The following CAMTA1 variants were observed in gnomAD, a reference collection of about 807,000 sequenced individuals.
CAMTA1 encodes the protein calmodulin binding transcription activator 1, also known as calmodulin-binding transcription activator 1.
Under a neutral mutation model 170.9 loss-of-function variants are expected in CAMTA1, and 27 were observed. The ratio of observed to expected loss-of-function variants is 0.16; its 90% CI spans 0.12 to 0.22. The LOEUF (loss-of-function observed/expected upper bound fraction) is 0.22, where lower values mean the gene tolerates loss of function less well. Ranked by LOEUF, CAMTA1 falls within the 10% of genes least tolerant of loss-of-function variation. The pLI is 1.00. For synonymous variants in CAMTA1, 833 were observed against 891.5 expected, an observed-to-expected ratio of 0.93 and a Z score of 1.17; for missense variants, 1,619 against 2,217.2, an observed-to-expected ratio of 0.73 and a Z score of 5.42.
chr1:7,119,480 C>A (rs556687246), intron 4 of CAMTA1, among the ~76,000 whole-genome samples: 2 of 152,324 alleles, frequency 1.3e-5, no homozygotes, highest in South Asian at 4.1e-4. Context: ...ATTTTTATTT[C>A]TGTCCTGCCA....
At position 7,768,010 on chromosome 1, in the gene CAMTA1, G is replaced by A. The variant is rs2097033298; in HGVS notation, c.*1519G>A. The stretch of plus-strand genomic sequence containing the variant: ...GCCAAGTAATGTGAATGCTAATACT[G>A]CTTAAGAAAATTAAGTTACTTTTGC... On this transcript the variant is annotated 3_prime_UTR_variant, in exon 23 of 23. Coordinates refer to ENST00000303635, the MANE Select transcript of CAMTA1 (RefSeq NM_015215.4). The A allele has an allele frequency of 6.6e-6, 1 of 151,760 alleles. No homozygotes were observed. 9.4% of individuals were successfully genotyped at this position (151,760 alleles called of 1,614,324 possible).
Position 7,635,113 on chromosome 1 carries a change from G to A in CAMTA1, c.511-5287G>A, listed in dbSNP as rs1259065576. ...CTGACCAGGCCTCCAGGAAAGCAAGGGCTCATCTCCAAAGGTCACGATCAC... is the reference window on the plus strand; with the variant it reads ...CTGACCAGGCCTCCAGGAAAGCAAGAGCTCATCTCCAAAGGTCACGATCAC... On this transcript the variant is annotated intron_variant, in intron 6 of 22. Transcript: ENST00000303635. This position sits in a 1 kb window ranked among gnomAD's most constrained non-coding sequence, Gnocchi z 4.4. Among the ~76,000 whole-genome samples, 1 of 152,146 alleles carries A rather than the reference G, an allele frequency of 6.6e-6. No individual in the cohort carries two copies. The highest frequency in any genetic ancestry group is 1.9e-4 in the East Asian group (1 of 5,176).
intron 1 of CAMTA1, among the ~76,000 whole-genome samples, chr1:6,794,879 G>A (rs1279919379): frequency 7.1e-6 from 1 of 141,480 alleles, no homozygotes; most frequent in African/African-American, 2.7e-5. Context: ...TTAGATAAAG[G>A]CTTTTTTTTT....
At chr1:7,553,853 A>G (rs1266372148) in intron 6 of CAMTA1, among the ~76,000 whole-genome samples, 1 of 152,210 alleles carries the variant, frequency 6.6e-6, no homozygotes, top group Admixed American at 6.5e-5. Flanking sequence ...CAGCCACATG[A>G]TGCAGGGGCG....
At chr1:7,004,412 G>A (rs1698680114) in intron 3 of CAMTA1, among the ~76,000 whole-genome samples, 1 of 152,196 alleles carries the variant, frequency 6.6e-6, no homozygotes, top group Admixed American at 6.5e-5. Flanking sequence ...GGAAGGTTGA[G>A]CTGGGGCTTG....
chr1:6,834,109 A>G (rs1208243709), intron 3 of CAMTA1, among the ~76,000 whole-genome samples: 1 of 147,814 alleles, frequency 6.8e-6, no homozygotes, highest in East Asian at 2.0e-4. Flanking sequence ...GGAATGTTGG[A>G]CTTTCCAGGG....
At chr1:7,285,860 C>T (rs1672273349) in intron 5 of CAMTA1, among the ~76,000 whole-genome samples, 1 of 152,166 alleles carries the variant, frequency 6.6e-6, no homozygotes, top group Non-Finnish European at 1.5e-5. Context: ...GAAATCCCCA[C>T]CTCAAAAACT....
At chr1:7,059,689 C>G (rs1353539503) in intron 3 of CAMTA1, among the ~76,000 whole-genome samples, 2 of 152,128 alleles carry the variant, frequency 1.3e-5, no homozygotes, top group Non-Finnish European at 2.9e-5. Context: ...GTTTCTTAAG[C>G]CTTGTTCGAA....
chr1:7,549,487 G>T (rs147634331), intron 6 of CAMTA1, among the ~76,000 whole-genome samples: 1 of 152,164 alleles, frequency 6.6e-6, no homozygotes, highest in African/African-American at 2.4e-5. Context: ...CAGCAAAGGC[G>T]TCAGAAATGG....
intron 3 of CAMTA1, among the ~76,000 whole-genome samples, chr1:6,908,196 G>A (rs1678957905): frequency 6.6e-6 from 1 of 152,192 alleles, no homozygotes; most frequent in African/African-American, 2.4e-5. Flanking sequence ...GGCACTTAAT[G>A]CTATCCGTCA....
chr1:7,705,970 C>A (rs2096520413), intron 11 of CAMTA1, among the ~76,000 whole-genome samples: 1 of 152,140 alleles, frequency 6.6e-6, no homozygotes, highest in Admixed American at 6.5e-5. Context: ...CTAGGTATTG[C>A]GCCTCTTTAG....
At chr1:7,028,321 A>T (rs1159881997) in intron 3 of CAMTA1, among the ~76,000 whole-genome samples, 1 of 152,222 alleles carries the variant, frequency 6.6e-6, no homozygotes, top group Non-Finnish European at 1.5e-5. Context: ...CGGAGCACAG[A>T]TATTAGTGTC....
At chr1:7,604,848 A>G (rs1239366914) in intron 6 of CAMTA1, among the ~76,000 whole-genome samples, 3 of 152,046 alleles carry the variant, frequency 2.0e-5, no homozygotes, top group Admixed American at 2.0e-4. Flanking sequence ...TGACGTACAG[A>G]TGGGGTTTTG....
intron 3 of CAMTA1, among the ~76,000 whole-genome samples, chr1:7,081,450 G>C (rs145209733): frequency 0.022 from 3,412 of 152,330 alleles, 38 homozygotes; most frequent in African/African-American, 0.025. Flanking sequence ...TATCAAAATA[G>C]AAGTTGGGGC....
rs142988984 is a variant in CAMTA1 at position 7,043,671 on chromosome 1, C to T, written c.235-47633C>T. Among the ~76,000 whole-genome samples the T allele has an allele frequency of 2.0e-3, 300 of 152,192 alleles. 1 individual carries two copies. Among genetic ancestry groups the T allele is most frequent in the African/African-American group, 7.0e-3 (291 of 41,524 alleles). On this transcript the variant is annotated intron_variant, in intron 3 of 22. Coordinates refer to ENST00000303635, the MANE Select transcript of CAMTA1 (RefSeq NM_015215.4). ...ACGTTTTTCAGTAGAACGTAAGAAA[C>T]GCCTGCCTTTATTAGCAGTGGCTCC...
chr1:6,853,532 G>A (rs1661191519), intron 3 of CAMTA1, among the ~76,000 whole-genome samples: 1 of 152,096 alleles, frequency 6.6e-6, no homozygotes, highest in African/African-American at 2.4e-5. Context: ...CAGAAACAGA[G>A]CATGTGGGAA....
chr1:7,379,737 C>T (rs2087132187), intron 5 of CAMTA1, among the ~76,000 whole-genome samples: 1 of 152,214 alleles, frequency 6.6e-6, no homozygotes, highest in Non-Finnish European at 1.5e-5. Context: ...GGACTGAACT[C>T]CTTCACTGTC....
chr1:6,810,489 C>T (rs866105504), intron 1 of CAMTA1, among the ~76,000 whole-genome samples: 15 of 152,188 alleles, frequency 9.9e-5, no homozygotes, highest in African/African-American at 3.4e-4. Flanking sequence ...CCAGCCCACA[C>T]TCCGGGGGAG....
Position 7,224,417 on chromosome 1 carries a change from A to G in CAMTA1, c.303-25074A>G, listed in dbSNP as rs534263347. On this transcript the variant is annotated intron_variant, in intron 4 of 22. Coordinates refer to ENST00000303635, the MANE Select transcript of CAMTA1 (RefSeq NM_015215.4). This position sits in a 1 kb window ranked among gnomAD's most constrained non-coding sequence, Gnocchi z 5.2. Reference sequence around the variant, plus strand: ...AGCGTCCACCCAAAGGGAAGTGGAAAAACCAGCAGCTGGCTGAATCTGAGA... The same window carrying G: ...AGCGTCCACCCAAAGGGAAGTGGAAGAACCAGCAGCTGGCTGAATCTGAGA... 6.6e-6 allele frequency among the ~76,000 whole-genome samples: 1 copy of G among 152,342 alleles called. No homozygotes were observed. The highest frequency in any genetic ancestry group is 1.9e-4 in the East Asian group (1 of 5,180).
Sources: gnomAD v4.1 joint callset for allele counts (sites outside exome capture counted in the v4.1 genomes callset) on GRCh38, gnomAD v4.1.1 for gene constraint, Gnocchi (gnomAD v3.1) non-coding constraint, MANE v1.5 for transcripts, NCBI Gene and HGNC (gene_info 2026-07-23, HGNC 2026-07-21) for gene names.